The following STAT5B variants were observed in gnomAD, a reference collection of about 807,000 sequenced individuals.
STAT5B encodes signal transducer and activator of transcription 5B, also known as transcription factor STAT5B.
In STAT5B, 21 loss-of-function variants were observed where a neutral mutation model predicts 107.8. The ratio of observed to expected loss-of-function variants is 0.19; its 90% CI spans 0.14 to 0.28. The LOEUF (loss-of-function observed/expected upper bound fraction) is 0.28, where lower values mean the gene tolerates loss of function less well. STAT5B is among the 10% of genes least tolerant of loss of function. The pLI is 1.00. For missense variants in STAT5B, 565 were observed against 1,008.2 expected, an observed-to-expected ratio of 0.56 and a Z score of 5.95; for synonymous variants, 325 against 401.7, an observed-to-expected ratio of 0.81 and a Z score of 2.28.
chr17:42,277,004 G>C (rs2080772476), upstream of STAT5B, among the ~76,000 whole-genome samples: 2 of 152,258 alleles, frequency 1.3e-5, no homozygotes, highest in Non-Finnish European at 2.9e-5. Flanking sequence ...ACGGGGGACG[G>C]GGCGCCTGGG....
chr17:42,227,130 G>A (rs1430375302), intron 3 of STAT5B, among the ~76,000 whole-genome samples: 6 of 9,862 alleles, frequency 6.1e-4, no homozygotes, highest in South Asian at 3.2e-3. Context: ...GCAAGACTCC[G>A]TCTCAAAAAT....
At chr17:42,240,396 G>A (rs1184231387) in intron 1 of STAT5B, among the ~76,000 whole-genome samples, 1 of 152,178 alleles carries the variant, frequency 6.6e-6, no homozygotes, top group African/African-American at 2.4e-5. Flanking sequence ...GGCATGCAAG[G>A]GAACATACTG....
chr17:42,237,036 C>T (rs1290156319), intron 1 of STAT5B, among the ~76,000 whole-genome samples: 1 of 152,186 alleles, frequency 6.6e-6, no homozygotes, highest in Non-Finnish European at 1.5e-5. Context: ...AATGGATTCA[C>T]AATCTTATTT....
chr17:42,229,241 C>G (rs2144287826), intron 2 of STAT5B, among the ~76,000 whole-genome samples: 1 of 152,132 alleles, frequency 6.6e-6, no homozygotes, highest in Middle Eastern at 3.4e-3. Context: ...CCTCTGCCTC[C>G]CGGGTTCAAG....
chr17:42,218,147 T>G lies in STAT5B; in HGVS notation c.1169+4A>C. On this transcript the variant is annotated splice_donor_region_variant and intron_variant, in intron 9 of 18. Coordinates refer to ENST00000293328, the MANE Select transcript of STAT5B (RefSeq NM_012448.4). ...CAGGGAATGAGAGGAAGCTGCACAA[T>G]TACTTGCGGGTGTTCTCGTTCTTGA... 1 of 1,613,746 alleles carries G rather than the reference T, an allele frequency of 6.2e-7. No individual in the cohort carries two copies. The highest frequency in any genetic ancestry group is 8.5e-7 in the Non-Finnish European group (1 of 1,179,844).
the STAT5B span, among the ~76,000 whole-genome samples, chr17:42,283,672 G>C: frequency 3.3e-5 from 5 of 152,200 alleles, no homozygotes; most frequent in African/African-American, 1.2e-4. Flanking sequence ...CGGCAGGAAC[G>C]GGCTTCACCC....
chr17:42,280,452 C>T (rs1404691029), upstream of STAT5B, among the ~76,000 whole-genome samples: 1 of 152,192 alleles, frequency 6.6e-6, no homozygotes, highest in African/African-American at 2.4e-5. Flanking sequence ...ACTGAAGCCA[C>T]AACCATGATC....
At chr17:42,263,869 GCGCACA>G (rs889126528) in intron 1 of STAT5B, among the ~76,000 whole-genome samples, 2 of 63,454 alleles carry the variant, frequency 3.2e-5, no homozygotes, top group African/African-American at 5.9e-5. Flanking sequence ...ACTAGAAAGC[GCGCACA>G]CACACACACA....
At chr17:42,208,407 A>G (rs888814714) in intron 15 of STAT5B, among the ~76,000 whole-genome samples, 1 of 151,840 alleles carries the variant, frequency 6.6e-6, no homozygotes, top group Non-Finnish European at 1.5e-5. Flanking sequence ...GAGGTAGGAG[A>G]ATGGCTTGAA....
chr17:42,219,037 C>T (rs1012426189), intron 7 of STAT5B, among the ~76,000 whole-genome samples, 159 bp from the exon 8 acceptor site: 11 of 152,052 alleles, frequency 7.2e-5, no homozygotes, highest in Admixed American at 5.9e-4. Context: ...GAATTAGAGA[C>T]GTACACAGGA....
chr17:42,219,977 G>T, intron 5 of STAT5B, 135 bp from the exon 6 acceptor site: 1 of 1,449,212 alleles, frequency 6.9e-7, no homozygotes, highest in Non-Finnish European at 9.2e-7. Context: ...CGGGGTTCCT[G>T]ACAGCCAGGG....
intron 1 of STAT5B, among the ~76,000 whole-genome samples, chr17:42,250,301 C>A (rs1466422403): frequency 1.3e-5 from 2 of 152,056 alleles, no homozygotes; most frequent in Non-Finnish European, 2.9e-5. Flanking sequence ...TATTTTAACC[C>A]CACTCTGAGA....
chr17:42,280,967 T>C (rs1251998858), upstream of STAT5B, among the ~76,000 whole-genome samples: 4 of 151,892 alleles, frequency 2.6e-5, no homozygotes, highest in Non-Finnish European at 5.9e-5. Flanking sequence ...ACCCTGACTC[T>C]ACTAAAAATA....
the STAT5B span, among the ~76,000 whole-genome samples, chr17:42,287,330 A>AACC: frequency 6.9e-6 from 1 of 144,446 alleles, no homozygotes; most frequent in African/African-American, 2.7e-5. Context: ...ATGAGAATGC[A>AACC]CCCCCCCCAA....
intron 1 of STAT5B, among the ~76,000 whole-genome samples, chr17:42,267,337 A>AT (rs2080681850): frequency 6.6e-6 from 1 of 152,190 alleles, no homozygotes; most frequent in Non-Finnish European, 1.5e-5. Flanking sequence ...TTCAGGAGGC[A>AT]TTGTTATCAC....
intron 1 of STAT5B, among the ~76,000 whole-genome samples, chr17:42,260,926 T>C (rs2080590200): frequency 6.6e-6 from 1 of 151,698 alleles, no homozygotes; most frequent in Non-Finnish European, 1.5e-5. Flanking sequence ...CCTTTTTTTT[T>C]TTTTTCTTGA....
At chr17:42,202,316 G>T (rs1047863698) in intron 18 of STAT5B, 24 bp downstream of exon 18, 7 of 1,613,678 alleles carry the variant, frequency 4.3e-6, no homozygotes, top group Non-Finnish European at 5.9e-6. Context: ...CTCCCCTGTG[G>T]ACCCCCACAA....
intron 1 of STAT5B, among the ~76,000 whole-genome samples, chr17:42,262,940 ATATGTG>A (rs1202790062): frequency 3.8e-4 from 16 of 42,250 alleles, no homozygotes; most frequent in Non-Finnish European, 4.8e-4. Context: ...ATATGTATAT[ATATGTG>A]TGTGTGTGTG....
At chr17:42,265,476 C>T (rs1321145040) in intron 1 of STAT5B, among the ~76,000 whole-genome samples, 1 of 150,922 alleles carries the variant, frequency 6.6e-6, no homozygotes, top group Non-Finnish European at 1.5e-5. Context: ...CCTCAGCCTC[C>T]CGAGTAGCTG....
Sources: allele counts gnomAD v4.1 joint callset (sites outside exome capture counted in the v4.1 genomes callset), GRCh38; gene constraint gnomAD v4.1.1; transcripts MANE v1.5; gene names NCBI Gene and HGNC (gene_info 2026-07-23, HGNC 2026-07-21).